PRKAR1B: variants seen among roughly 807,000 people sequenced by gnomAD.
PRKAR1B encodes cAMP-dependent protein kinase type I-beta regulatory subunit.
Under a neutral mutation model 46.5 loss-of-function variants are expected in PRKAR1B, and 22 were observed. The ratio of observed to expected loss-of-function variants is 0.47; its 90% CI spans 0.34 to 0.68. The LOEUF is 0.68. Among genes scored for constraint, PRKAR1B ranks in the 30% least tolerant of loss-of-function variants. The pLI is 0.01. For synonymous variants in PRKAR1B, 259 were observed against 217.7 expected (o/e 1.19, Z -1.67); for missense variants, 445 against 535.6 (o/e 0.83, Z 1.67).
intron 1 of PRKAR1B, among the ~76,000 whole-genome samples, chr7:715,648 G>A (rs889418168): frequency 6.6e-6 from 1 of 152,096 alleles, no homozygotes; most frequent in African/African-American, 2.4e-5. Flanking sequence ...GAATGTGCCT[G>A]TAGGATTCAT....
At chr7:719,312 T>A (rs527254060) in intron 1 of PRKAR1B, among the ~76,000 whole-genome samples, 1 of 152,108 alleles carries the variant, frequency 6.6e-6, no homozygotes, top group South Asian at 2.1e-4. Context: ...AGTGCTGGGA[T>A]TACAGGCATG....
At chr7:552,928 G>A (rs1386104037) in intron 9 of PRKAR1B, among the ~76,000 whole-genome samples, 1 of 152,266 alleles carries the variant, frequency 6.6e-6, no homozygotes, top group Non-Finnish European at 1.5e-5. Context: ...AGGGGTCTGC[G>A]GGTTGCCCAG....
chr7:672,666 G>A (rs948588118), intron 4 of PRKAR1B, among the ~76,000 whole-genome samples: 5 of 151,572 alleles, frequency 3.3e-5, no homozygotes, highest in East Asian at 2.0e-4. Context: ...TCAGGAGTTC[G>A]AGACCAGCCT....
At chr7:689,342 C>T (rs186135254) in intron 2 of PRKAR1B, among the ~76,000 whole-genome samples, 9 of 152,074 alleles carry the variant, frequency 5.9e-5, no homozygotes, top group Admixed American at 2.0e-4. Flanking sequence ...AGGATGGTCT[C>T]GATCTCCTGA....
chr7:553,847 G>A (rs1023796596), intron 9 of PRKAR1B, among the ~76,000 whole-genome samples: 10 of 152,380 alleles, frequency 6.6e-5, no homozygotes, highest in East Asian at 1.9e-4. Context: ...CCCCTGATCC[G>A]GCCGTGGGGC....
chr7:706,444 G>C (rs1298634302), intron 2 of PRKAR1B, among the ~76,000 whole-genome samples: 4 of 40,000 alleles, frequency 1.0e-4, no homozygotes, highest in African/African-American at 3.7e-4. Flanking sequence ...TTTTTTTTGA[G>C]ACGGAGTCTC....
chr7:566,656 CAT>C (rs1779181376), intron 9 of PRKAR1B, among the ~76,000 whole-genome samples: 1 of 3,102 alleles, frequency 3.2e-4, no homozygotes, highest in Non-Finnish European at 1.2e-3. Flanking sequence ...TGATCACCAT[CAT>C]CACCATCACC....
At chr7:606,883 CACAT>C (rs1782102530) in intron 5 of PRKAR1B, among the ~76,000 whole-genome samples, 1 of 151,892 alleles carries the variant, frequency 6.6e-6, no homozygotes, top group African/African-American at 2.4e-5. Flanking sequence ...TTTATACACA[CACAT>C]ATGTATATAT....
chr7:694,546 T>A (rs1179817280), intron 2 of PRKAR1B, among the ~76,000 whole-genome samples: 1 of 152,060 alleles, frequency 6.6e-6, no homozygotes, highest in Non-Finnish European at 1.5e-5. Context: ...CCTGGCGAAC[T>A]CCTACATATA....
intron 9 of PRKAR1B, among the ~76,000 whole-genome samples, chr7:553,846 C>T (rs1253400192): frequency 1.3e-5 from 2 of 152,248 alleles, no homozygotes; most frequent in South Asian, 2.1e-4. Flanking sequence ...GCCCCTGATC[C>T]GGCCGTGGGG....
Position 577,521 on chromosome 7 carries a change from C to T in PRKAR1B, c.891+1735G>A, listed in dbSNP as rs558083645. Reference sequence around the variant, plus strand: ...GAGCATACGTGTAGCTCTGCAGAGCCGGGCAGGTCACCACACAGCCTGGAC... The same window carrying T: ...GAGCATACGTGTAGCTCTGCAGAGCTGGGCAGGTCACCACACAGCCTGGAC... On this transcript the variant is annotated intron_variant, in intron 9 of 10. Coordinates refer to ENST00000537384, the MANE Select transcript of PRKAR1B (RefSeq NM_001164760.2). 3.7e-4 allele frequency among the ~76,000 whole-genome samples: 56 copies of T among 152,274 alleles called. No individual in the cohort carries two copies. In the South Asian group the frequency reaches 7.7e-3, roughly 21 times the overall value.
chr7:726,809 C>G, intron 1 of PRKAR1B: 7 of 1,322,346 alleles, frequency 5.3e-6, no homozygotes, highest in Non-Finnish European at 6.7e-6. Context: ...CTGAGCCGCG[C>G]CCTGAGCCGC....
chr7:691,316 TG>T (rs1393150750), intron 2 of PRKAR1B, among the ~76,000 whole-genome samples: 2 of 152,134 alleles, frequency 1.3e-5, no homozygotes, highest in Non-Finnish European at 2.9e-5. Context: ...CTGCAGGTGA[TG>T]GGGAAACTCG....
chr7:574,247 C>T (rs1206850978), intron 9 of PRKAR1B, among the ~76,000 whole-genome samples: 2 of 152,250 alleles, frequency 1.3e-5, no homozygotes, highest in Non-Finnish European at 2.9e-5. Context: ...AAAGCCGAGG[C>T]TGCCAACTCA....
chr7:605,017 C>T (rs963541973), intron 6 of PRKAR1B, among the ~76,000 whole-genome samples: 1 of 152,218 alleles, frequency 6.6e-6, no homozygotes, highest in Non-Finnish European at 1.5e-5. Flanking sequence ...AAGAGACGGT[C>T]TCATGAGATG....
chr7:701,253 G>C (rs1037196268), intron 2 of PRKAR1B, among the ~76,000 whole-genome samples: 1 of 139,028 alleles, frequency 7.2e-6, no homozygotes, highest in Non-Finnish European at 1.6e-5. Context: ...AGGAAGGAAA[G>C]AAAGAAAGAA....
At chr7:637,107 G>A (rs550025914) in intron 4 of PRKAR1B, among the ~76,000 whole-genome samples, 11 of 152,222 alleles carry the variant, frequency 7.2e-5, no homozygotes, top group African/African-American at 1.9e-4. Flanking sequence ...GCCACACCGC[G>A]AAACCCCATC....
intron 8 of PRKAR1B, among the ~76,000 whole-genome samples, chr7:583,685 G>C (rs9769843): frequency 7.2e-6 from 1 of 137,932 alleles, no homozygotes; most frequent in Non-Finnish European, 1.6e-5. Flanking sequence ...CAACCCACAC[G>C]GTGCACTCAC....
intron 8 of PRKAR1B, among the ~76,000 whole-genome samples, chr7:583,692 TCA>T (rs1241004350): frequency 1.6e-4 from 17 of 108,896 alleles, no homozygotes; most frequent in East Asian, 4.8e-4. Flanking sequence ...CACGGTGCAC[TCA>T]CACCCTCACA....
Sources: allele counts gnomAD v4.1 joint callset (sites outside exome capture counted in the v4.1 genomes callset), GRCh38; gene constraint gnomAD v4.1.1; transcripts MANE v1.5; gene names NCBI Gene and HGNC (gene_info 2026-07-23, HGNC 2026-07-21).